DPP6: variants seen among roughly 807,000 people sequenced by gnomAD.
The protein encoded by DPP6 is dipeptidyl peptidase like 6.
A neutral mutation model predicts 122.6 loss-of-function variants in DPP6; 69 were observed. That is an observed-to-expected ratio of 0.56 (90% CI 0.46 to 0.69). DPP6 has a LOEUF of 0.69. DPP6 is among the 30% of genes least tolerant of loss of function. The pLI is 0.00. For synonymous variants in DPP6, 418 were observed against 433.1 expected, an observed-to-expected ratio of 0.97 and a Z score of 0.43; for missense variants, 928 against 1,116.9, an observed-to-expected ratio of 0.83 and a Z score of 2.41.
At chr7:154,434,113 T>C (rs757514419) in intron 1 of DPP6, among the ~76,000 whole-genome samples, 2 of 152,244 alleles carry the variant, frequency 1.3e-5, no homozygotes, top group Non-Finnish European at 2.9e-5. Flanking sequence ...CCTGGACTGA[T>C]ACAATTAAAA....
Position 154,602,250 on chromosome 7 carries a change from A to G in DPP6, c.627+35334A>G, listed in dbSNP as rs900924730. Among the ~76,000 whole-genome samples the G allele has an allele frequency of 4.2e-4, 51 of 121,086 alleles. 12 individuals are homozygous for G. The highest frequency in any genetic ancestry group is 1.3e-3 in the African/African-American group (50 of 37,984). The allele number at this position is 121,086 out of a possible 152,430, so 79.4% of individuals were successfully genotyped here. A position where few individuals can be genotyped will look rare whatever the true frequency, so the allele number is the denominator to read the frequency against. ...GGTATATCGTGTAAAAGCCTACAGC[A>G]GTATTCTTCCATCATTTCACCATAC... On this transcript the variant is annotated intron_variant, in intron 5 of 25. Coordinates refer to ENST00000377770, the MANE Select transcript of DPP6 (RefSeq NM_130797.4).
In DPP6 at chr7:154,471,395, C is replaced by T. The variant is rs139696617; in HGVS notation, c.359-3544C>T. On this transcript the variant is annotated intron_variant, in intron 2 of 25. Transcript: ENST00000377770. ...GCAGGAGGGAAGGCCAAATTTCCAT[C>T]ATCCTCAAGTCATAGAGACTGAAGT... 3.4e-3 allele frequency among the ~76,000 whole-genome samples: 515 copies of T among 152,206 alleles called. 2 individuals carry two copies. The highest frequency in any genetic ancestry group is 0.01 in the Middle Eastern group (3 of 292).
chr7:154,544,361 T>A (rs368594200), intron 4 of DPP6, among the ~76,000 whole-genome samples: 4 of 152,216 alleles, frequency 2.6e-5, no homozygotes, highest in African/African-American at 9.6e-5. Context: ...CACAAGTGCA[T>A]CATCTCTGAA....
At chr7:154,662,747 A>C (rs1201284046) in intron 6 of DPP6, among the ~76,000 whole-genome samples, 1 of 68,036 alleles carries the variant, frequency 1.5e-5, no homozygotes, top group Non-Finnish European at 3.4e-5. Flanking sequence ...GTGTTCATAT[A>C]GTCATGGTGA....
At chr7:154,693,959 T>G (rs961388942) in intron 7 of DPP6, among the ~76,000 whole-genome samples, 3 of 152,206 alleles carry the variant, frequency 2.0e-5, no homozygotes, top group Non-Finnish European at 4.4e-5. Flanking sequence ...CTGTTATGTC[T>G]GAGCCCATTC....
At chr7:153,829,479 G>T in the DPP6 span, among the ~76,000 whole-genome samples, 1 of 152,144 alleles carries the variant, frequency 6.6e-6, no homozygotes, top group Middle Eastern at 3.2e-3. Flanking sequence ...CTCCCAAAGT[G>T]CTGGGATTAC....
chr7:154,738,189 T>C (rs1046628632), intron 8 of DPP6, among the ~76,000 whole-genome samples: 2 of 152,206 alleles, frequency 1.3e-5, no homozygotes, highest in Non-Finnish European at 2.9e-5. Context: ...CGGGGGTATT[T>C]TTTGACTGGA....
At chr7:154,634,095 T>TATACA (rs1352507133) in intron 5 of DPP6, among the ~76,000 whole-genome samples, 3 of 151,632 alleles carry the variant, frequency 2.0e-5, no homozygotes, top group African/African-American at 7.3e-5. Context: ...ATGTGCCATG[T>TATACA]TGGTGTGCTG....
At position 153,891,442 on chromosome 7, in the gene DPP6, T is replaced by C. The variant is rs986327270; in HGVS notation, c.51+3708T>C. Among the ~76,000 whole-genome samples the C allele has an allele frequency of 8.5e-5, 13 of 152,300 alleles. 1 individual carries two copies. The East Asian group carries it at 2.5e-3, about 29-fold the overall frequency. ...AATTTAATATACTAAGAGATAAATATTTTTTACTTGCTCGAAACAAAAATT... is the reference window on the plus strand; with the variant it reads ...AATTTAATATACTAAGAGATAAATACTTTTTACTTGCTCGAAACAAAAATT... On this transcript the variant is annotated intron_variant, in intron 1 of 25. Transcript: ENST00000404039.
chr7:153,763,441 G>A, the DPP6 span, among the ~76,000 whole-genome samples: 1 of 151,362 alleles, frequency 6.6e-6, no homozygotes, highest in Non-Finnish European at 1.5e-5. Flanking sequence ...AAGTGGGAGT[G>A]ATGGCTATTT....
chr7:154,588,285 C>T lies in DPP6; in HGVS notation c.627+21369C>T, dbSNP rs1832601333. The stretch of plus-strand genomic sequence containing the variant: ...TCTCAGAGATGCAGCAATGGACCCT[C>T]GTGAATACTGAACTGATAATCATGG... On this transcript the variant is annotated intron_variant, in intron 5 of 25. Transcript: ENST00000377770. The T allele has an allele frequency of 8.4e-6, 7 of 836,374 alleles. 1 individual carries two copies. The highest frequency in any genetic ancestry group is 8.1e-5 in the South Asian group (4 of 49,600). 51.8% of individuals were successfully genotyped at this position (836,374 alleles called of 1,614,324 possible).
intron 12 of DPP6, among the ~76,000 whole-genome samples, chr7:154,800,474 C>A (rs1798294415): frequency 6.6e-6 from 1 of 152,160 alleles, no homozygotes; most frequent in South Asian, 2.1e-4. Context: ...TCAGAGAGGC[C>A]AAGGTACCGC....
chr7:154,363,155 G>A (rs1335177841), intron 1 of DPP6, among the ~76,000 whole-genome samples: 1 of 152,166 alleles, frequency 6.6e-6, no homozygotes, highest in African/African-American at 2.4e-5. Flanking sequence ...AGATGCCCTG[G>A]TATAAGGCCA....
rs909596955 is a variant in DPP6 at position 154,486,843 on chromosome 7, C to T, written c.457+11806C>T. 2.6e-5 allele frequency among the ~76,000 whole-genome samples: 4 copies of T among 152,160 alleles called. No individual in the cohort carries two copies. The highest frequency in any genetic ancestry group is 1.3e-4 in the Admixed American group (2 of 15,272). On this transcript the variant is annotated intron_variant, in intron 3 of 25. Transcript: ENST00000377770. The surrounding 1 kb of genome is among the most constrained non-coding windows in gnomAD (Gnocchi z 4.5). ...TGCTGTAGGTCCTCTGCCTGTAGGT[C>T]CTCTGGGCGGACTCTAGTTCCTAAC...
At chr7:153,791,062 A>G in the DPP6 span, among the ~76,000 whole-genome samples, 2 of 152,172 alleles carry the variant, frequency 1.3e-5, no homozygotes, top group Admixed American at 6.5e-5. Flanking sequence ...ATTATAGACA[A>G]TCTTTTATTC....
intron 8 of DPP6, among the ~76,000 whole-genome samples, chr7:154,742,052 A>G (rs1290246519): frequency 6.6e-6 from 1 of 152,210 alleles, no homozygotes; most frequent in African/African-American, 2.4e-5. Flanking sequence ...ATGAGTCACT[A>G]TGGATTGCAG....
At chr7:154,080,887 A>G (rs1803949154) in intron 1 of DPP6, among the ~76,000 whole-genome samples, 1 of 152,026 alleles carries the variant, frequency 6.6e-6, no homozygotes, top group Non-Finnish European at 1.5e-5. Flanking sequence ...TGAGGGCTCT[A>G]ATGGGAAGAT....
At chr7:154,102,105 A>G (rs959164968) in intron 1 of DPP6, among the ~76,000 whole-genome samples, 1 of 152,048 alleles carries the variant, frequency 6.6e-6, no homozygotes, top group African/African-American at 2.4e-5. Context: ...TCTCACACGC[A>G]CAGATTGTCA....
At chr7:154,200,407 C>G (rs866057440) in intron 1 of DPP6, among the ~76,000 whole-genome samples, 2 of 152,120 alleles carry the variant, frequency 1.3e-5, no homozygotes, top group Admixed American at 1.3e-4. Flanking sequence ...CTGCAGCCAC[C>G]CTGCTGATCT....
Sources: gnomAD v4.1 joint callset for allele counts (sites outside exome capture counted in the v4.1 genomes callset) on GRCh38, gnomAD v4.1.1 for gene constraint, Gnocchi (gnomAD v3.1) non-coding constraint, MANE v1.5 for transcripts, NCBI Gene and HGNC (gene_info 2026-07-23, HGNC 2026-07-21) for gene names.